Variants in C12orf75 observed in about 807,000 individuals in gnomAD.
C12orf75 encodes the protein overexpressed in colon carcinoma 1 protein.
C12orf75 carries 4 observed loss-of-function variants against 11.4 expected under a neutral mutation model. The observed-to-expected ratio is 0.35, with a 90% CI of 0.17 to 0.80. C12orf75 has a LOEUF of 0.80. C12orf75 is among the 30% of genes least tolerant of loss of function. C12orf75 has a pLI of 0.52. For synonymous variants in C12orf75, 30 were observed against 30.0 expected (o/e 1.00, Z 0.00); for missense variants, 89 against 80.4 (o/e 1.11, Z -0.41).
intron 2 of C12orf75, among the ~76,000 whole-genome samples, chr12:105,357,224 A>G (rs894263881): frequency 6.6e-6 from 1 of 152,260 alleles, no homozygotes; most frequent in Non-Finnish European, 1.5e-5. Context: ...GAGAAGGGTA[A>G]GAAGAGCACC....
At chr12:105,340,515 G>T (rs1452994435) in intron 1 of C12orf75, among the ~76,000 whole-genome samples, 3 of 151,120 alleles carry the variant, frequency 2.0e-5, no homozygotes, top group East Asian at 3.9e-4. Context: ...AGTTCCGTTT[G>T]TGTCGTGCAT....
At chr12:105,335,370 A>G (rs1379222700) in intron 1 of C12orf75, among the ~76,000 whole-genome samples, 1 of 152,246 alleles carries the variant, frequency 6.6e-6, no homozygotes, top group African/African-American at 2.4e-5. Context: ...CTGTTTAGCA[A>G]TAGTGCAAGA....
At chr12:105,362,301 C>T (rs1183345628) in intron 2 of C12orf75, among the ~76,000 whole-genome samples, 8 of 137,726 alleles carry the variant, frequency 5.8e-5, no homozygotes, top group African/African-American at 8.4e-5. Context: ...AGGAGAATGG[C>T]GTGAACCCGG....
At chr12:105,363,729 A>G in intron 2 of C12orf75, among the ~76,000 whole-genome samples, 1 of 84,008 alleles carries the variant, frequency 1.2e-5, no homozygotes, top group Non-Finnish European at 2.0e-5. Flanking sequence ...GTCTTAATTA[A>G]AAAAAAAAAA....
chr12:105,357,799 TGTGTGTGTGAGAGAGA>T (rs1474137817), intron 2 of C12orf75, among the ~76,000 whole-genome samples: 1 of 146,010 alleles, frequency 6.8e-6, no homozygotes, highest in Non-Finnish European at 1.5e-5. Flanking sequence ...TGTGTGTGTG[TGTGTGTGTGAGAGAGA>T]GAGAGAGAGA....
At chr12:105,356,998 G>A (rs543294250) in intron 2 of C12orf75, among the ~76,000 whole-genome samples, 31 of 152,280 alleles carry the variant, frequency 2.0e-4, no homozygotes, top group African/African-American at 6.3e-4. Flanking sequence ...CCAGGTAGGC[G>A]AAAGCCCACC....
At chr12:105,346,123 A>C (rs969391617) in intron 1 of C12orf75, among the ~76,000 whole-genome samples, 2 of 152,190 alleles carry the variant, frequency 1.3e-5, no homozygotes, top group African/African-American at 4.8e-5. Flanking sequence ...CCAATCAGGA[A>C]ATCTTGGAAT....
At chr12:105,369,424 C>T (rs191428654) in intron 5 of C12orf75, among the ~76,000 whole-genome samples, 106 of 152,228 alleles carry the variant, frequency 7.0e-4, no homozygotes, top group African/African-American at 1.4e-3. Flanking sequence ...ATTACCCTTA[C>T]ATTTTATTTA....
intron 1 of C12orf75, among the ~76,000 whole-genome samples, chr12:105,336,194 G>A (rs374449230): frequency 6.6e-6 from 1 of 152,230 alleles, no homozygotes; most frequent in Non-Finnish European, 1.5e-5. Flanking sequence ...GGATGTAGTC[G>A]TTCACATTGG....
At chr12:105,365,686 C>A in intron 2 of C12orf75, 121 bp from the exon 3 acceptor site, 1 of 717,834 alleles carries the variant, frequency 1.4e-6, no homozygotes, top group Non-Finnish European at 2.5e-6. Context: ...CTACTTAAGT[C>A]TGATGGAAAC....
At chr12:105,350,559 C>G (rs1892699184) in intron 2 of C12orf75, among the ~76,000 whole-genome samples, 1 of 152,176 alleles carries the variant, frequency 6.6e-6, no homozygotes, top group Non-Finnish European at 1.5e-5. Context: ...GAAGTATTTC[C>G]TGGCTCTCTG....
intron 2 of C12orf75, among the ~76,000 whole-genome samples, chr12:105,362,384 C>CAAAAA (rs35725967): frequency 3.7e-4 from 7 of 18,740 alleles, no homozygotes; most frequent in Non-Finnish European, 5.8e-4. Flanking sequence ...GACTCCGTCT[C>CAAAAA]AAAAAAAAAA....
intron 1 of C12orf75, among the ~76,000 whole-genome samples, chr12:105,337,999 CA>C (rs1592876286): frequency 6.6e-6 from 1 of 152,118 alleles, no homozygotes; most frequent in East Asian, 1.9e-4. Context: ...AAAAGCAAAG[CA>C]AAATAGAGTC....
chr12:105,356,440 T>G (rs975556941), intron 2 of C12orf75, among the ~76,000 whole-genome samples: 4 of 29,746 alleles, frequency 1.3e-4, no homozygotes, highest in African/African-American at 4.0e-4. Context: ...GACTACAGGC[T>G]TTTTTTTTTT....
rs1268579313 is a variant in C12orf75, at chr12:105,360,821, C to G, written c.72-4986C>G. Reference sequence around the variant, plus strand: ...GACCGAGTCTGTCTCTGTTGCCCAGCCTGGAGTGCAATGGCGCGATCTCGG... The same window carrying G: ...GACCGAGTCTGTCTCTGTTGCCCAGGCTGGAGTGCAATGGCGCGATCTCGG... On this transcript the variant is annotated intron_variant, in intron 2 of 5. Coordinates refer to ENST00000443585, the MANE Select transcript of C12orf75 (RefSeq NM_001145199.2). 3.3e-5 allele frequency among the ~76,000 whole-genome samples: 5 copies of G among 151,862 alleles called. No homozygotes were observed. In the South Asian group the frequency reaches 6.2e-4, roughly 19 times the overall value.
At chr12:105,370,206 A>G (rs1455876523) in intron 5 of C12orf75, among the ~76,000 whole-genome samples, 24 of 152,224 alleles carry the variant, frequency 1.6e-4, no homozygotes, top group Admixed American at 1.6e-3. Flanking sequence ...GATGGTGCTC[A>G]GATGACAATG....
intron 2 of C12orf75, chr12:105,353,369 T>C (rs1892737864): frequency 6.6e-6 from 1 of 152,250 alleles, no homozygotes; most frequent in Admixed American, 6.5e-5. Flanking sequence ...GTCCTAGGGC[T>C]GGGCTCTCTT....
rs570458323 is a variant in C12orf75, at chr12:105,331,054, G to A, written c.46+117G>A. 19 of 664,400 alleles carry A rather than the reference G, an allele frequency of 2.9e-5. No homozygotes were observed. In the African/African-American group the frequency reaches 3.4e-4, roughly 12 times the overall value. The allele number at this position is 664,400 out of a possible 1,614,324, so 41.2% of individuals were successfully genotyped here. On this transcript the variant is annotated intron_variant, in intron 1 of 5. Coordinates refer to ENST00000443585, the MANE Select transcript of C12orf75 (RefSeq NM_001145199.2). ...CCCCCTCTCCCCGTCCCCATTTTCG[G>A]GACAGGAGCAGACCGCCCGTTTCTG...
chr12:105,340,660 T>C (rs535202505), intron 1 of C12orf75, among the ~76,000 whole-genome samples: 1 of 152,144 alleles, frequency 6.6e-6, no homozygotes, highest in Non-Finnish European at 1.5e-5. Flanking sequence ...CAAAAAGATA[T>C]GTCCATGTTC....
Sources: allele counts gnomAD v4.1 joint callset (sites outside exome capture counted in the v4.1 genomes callset), GRCh38; gene constraint gnomAD v4.1.1; transcripts MANE v1.5; gene names NCBI Gene and HGNC (gene_info 2026-07-23, HGNC 2026-07-21).